Variants in RANBP2 observed in about 807,000 individuals in gnomAD.
RANBP2 encodes the protein E3 SUMO-protein ligase RanBP2.
A neutral mutation model predicts 303.6 loss-of-function variants in RANBP2; 57 were observed. The ratio of observed to expected loss-of-function variants is 0.19; its 90% CI spans 0.15 to 0.23. The LOEUF (loss-of-function observed/expected upper bound fraction) is 0.23. Ranked by LOEUF, RANBP2 falls within the 10% of genes least tolerant of loss-of-function variation. The probability of loss-of-function intolerance (pLI) is 1.00; values close to 1 mark genes in which losing one functional copy is unlikely to be tolerated. For synonymous variants in RANBP2, 1,167 were observed against 1,301.5 expected (o/e 0.90, Z 2.23); for missense variants, 3,138 against 3,780.8 (o/e 0.83, Z 4.46).
chr2:108,849,302 A>G, the RANBP2 span, among the ~76,000 whole-genome samples: 1 of 152,212 alleles, frequency 6.6e-6, no homozygotes, highest in African/African-American at 2.4e-5. Context: ...TCAAGACATA[A>G]TGGCTCCAAA....
At chr2:109,740,180 G>A in the RANBP2 span, among the ~76,000 whole-genome samples, 1 of 151,174 alleles carries the variant, frequency 6.6e-6, no homozygotes, top group Non-Finnish European at 1.5e-5. Context: ...GTAGAGACAG[G>A]GTTTCACCAT....
At chr2:108,809,066 G>A in the RANBP2 span, among the ~76,000 whole-genome samples, 2 of 152,090 alleles carry the variant, frequency 1.3e-5, no homozygotes, top group African/African-American at 4.8e-5. Context: ...GATTTGTTGA[G>A]GAGACTGTCA....
At chr2:109,225,587 C>A in the RANBP2 span, among the ~76,000 whole-genome samples, 1 of 152,244 alleles carries the variant, frequency 6.6e-6, no homozygotes, top group Non-Finnish European at 1.5e-5. Flanking sequence ...GCTCCACGTT[C>A]CTCTCTGGGA....
intron 25 of RANBP2, 106 bp from the exon 26 acceptor site, chr2:108,781,163 T>G: frequency 9.0e-7 from 1 of 1,111,380 alleles, no homozygotes; most frequent in Non-Finnish European, 1.3e-6. Flanking sequence ...TTAAAATTGA[T>G]GTACATATTA....
the RANBP2 span, among the ~76,000 whole-genome samples, chr2:109,346,962 AC>A: frequency 6.6e-6 from 1 of 151,782 alleles, no homozygotes; most frequent in Admixed American, 6.6e-5. Context: ...GCTTGTTAGA[AC>A]CCCTGCTCCT....
At position 108,771,766 on chromosome 2, in the gene RANBP2, A is replaced by T; in HGVS notation, c.7915A>T (p.Thr2639Ser). The T allele has an allele frequency of 6.2e-7, 1 of 1,614,026 alleles. No homozygotes were observed. The highest frequency in any genetic ancestry group is 1.1e-5 in the South Asian group (1 of 91,076). The change falls in exon 21 of 29, where the codon ACT (threonine) becomes TCT (serine). Residue 2639 changes from threonine (T) to serine (S), a missense_variant. Transcript: ENST00000283195. ...DDDVLIVYELTPTAEQKALAT... is the reference protein window; with the variant it reads ...DDDVLIVYELSPTAEQKALAT... ...TGATGTTCTCATTGTATATGAACTA[A>T]CTCCAACCGCTGAGCAGAAAGCCCT...
At chr2:109,234,811 C>T in the RANBP2 span, among the ~76,000 whole-genome samples, 162 of 152,234 alleles carry the variant, frequency 1.1e-3, no homozygotes, top group African/African-American at 3.7e-3. Flanking sequence ...GGAAATTCAA[C>T]CATGATATGT....
the RANBP2 span, among the ~76,000 whole-genome samples, chr2:109,766,760 A>G: frequency 2.7e-5 from 4 of 149,372 alleles, no homozygotes; most frequent in Non-Finnish European, 4.4e-5. Flanking sequence ...TGTAAGTGGA[A>G]TTTTTAACCT....
the RANBP2 span, among the ~76,000 whole-genome samples, chr2:108,803,928 A>G: frequency 2.6e-5 from 4 of 152,244 alleles, no homozygotes; most frequent in Non-Finnish European, 5.9e-5. Context: ...TTTTAAAAAT[A>G]ACTGTATTTG....
At chr2:109,278,552 AATGTCAC>A in the RANBP2 span, among the ~76,000 whole-genome samples, 1 of 152,210 alleles carries the variant, frequency 6.6e-6, no homozygotes, top group South Asian at 2.1e-4. Flanking sequence ...GTCGGGCCCC[AATGTCAC>A]TGCATAGCAA....
chr2:109,501,422 A>G, the RANBP2 span: 1 of 646,278 alleles, frequency 1.5e-6, no homozygotes, highest in South Asian at 1.8e-5. Context: ...ACAATAATTT[A>G]CACCGAGGGA....
the RANBP2 span, among the ~76,000 whole-genome samples, chr2:109,501,177 A>G: frequency 0.36 from 54,700 of 151,858 alleles, 10,303 homozygotes; most frequent in Admixed American, 0.51. Context: ...GCCGCAGTCT[A>G]GGTGGGTGGG....
At chr2:109,260,970 C>T in the RANBP2 span, among the ~76,000 whole-genome samples, 1 of 152,138 alleles carries the variant, frequency 6.6e-6, no homozygotes, top group East Asian at 1.9e-4. Flanking sequence ...GAGGTGTTCT[C>T]AGCCCCATGT....
chr2:109,121,281 A>G, the RANBP2 span, among the ~76,000 whole-genome samples: 1 of 150,626 alleles, frequency 6.6e-6, no homozygotes, highest in Non-Finnish European at 1.5e-5. Flanking sequence ...AAACAAAACA[A>G]AACAAAACAA....
chr2:109,263,358 G>A, the RANBP2 span, among the ~76,000 whole-genome samples: 4 of 152,238 alleles, frequency 2.6e-5, no homozygotes, highest in South Asian at 8.3e-4. Flanking sequence ...CTCAGTTTTT[G>A]TATATCTGGA....
the RANBP2 span, chr2:108,896,754 C>G: frequency 5.7e-6 from 4 of 706,372 alleles, no homozygotes; most frequent in Admixed American, 2.8e-5. Flanking sequence ...GGAAGACAGG[C>G]CTTATTTCGT....
the RANBP2 span, among the ~76,000 whole-genome samples, chr2:109,713,975 G>A: frequency 4.6e-5 from 7 of 152,342 alleles, no homozygotes; most frequent in Non-Finnish European, 8.8e-5. Flanking sequence ...TATCTACCTG[G>A]AGTTGGAGTC....
the RANBP2 span, among the ~76,000 whole-genome samples, chr2:109,033,829 A>G: frequency 6.6e-3 from 991 of 151,224 alleles, 6 homozygotes; most frequent in East Asian, 0.033. Flanking sequence ...GGTGGCGGGC[A>G]CCTGTAGTCC....
At chr2:109,390,219 C>T in the RANBP2 span, among the ~76,000 whole-genome samples, 10 of 152,100 alleles carry the variant, frequency 6.6e-5, no homozygotes, top group African/African-American at 2.2e-4. Flanking sequence ...TAAGTGATGC[C>T]CTTCACACAC....
Sources: gnomAD v4.1 joint callset for allele counts (sites outside exome capture counted in the v4.1 genomes callset) on GRCh38, gnomAD v4.1.1 for gene constraint, MANE v1.5 for transcripts, NCBI Gene and HGNC (gene_info 2026-07-23, HGNC 2026-07-21) for gene names.